Variants in RBFOX1 observed in about 807,000 individuals in gnomAD.
The protein encoded by RBFOX1 is RNA binding protein fox-1 homolog 1.
Under a neutral mutation model 57.7 loss-of-function variants are expected in RBFOX1, and 8 were observed. The ratio of observed to expected loss-of-function variants is 0.14; its 90% CI spans 0.08 to 0.25. The LOEUF (loss-of-function observed/expected upper bound fraction) is 0.25, where lower values mean the gene tolerates loss of function less well. Ranked by LOEUF, RBFOX1 falls within the 10% of genes least tolerant of loss-of-function variation. RBFOX1 has a pLI of 1.00. For synonymous variants in RBFOX1, 326 were observed against 222.4 expected, an observed-to-expected ratio of 1.47 and a Z score of -4.15; for missense variants, 611 against 548.5, an observed-to-expected ratio of 1.11 and a Z score of -1.14.
chr16:5,380,752 A>T (rs1234572557), intron 1 of RBFOX1, among the ~76,000 whole-genome samples: 3 of 152,200 alleles, frequency 2.0e-5, no homozygotes, highest in Non-Finnish European at 4.4e-5. Context: ...TGAGATCCAA[A>T]CTCAGGAGTC....
intron 2 of RBFOX1, among the ~76,000 whole-genome samples, chr16:6,494,109 TATAG>T (rs1324410284): frequency 6.6e-6 from 1 of 152,224 alleles, no homozygotes; most frequent in Non-Finnish European, 1.5e-5. Flanking sequence ...TGTAAGAAAA[TATAG>T]ATAGATCTCT....
intron 3 of RBFOX1, among the ~76,000 whole-genome samples, chr16:6,858,419 T>C (rs554958459): frequency 6.6e-6 from 1 of 152,278 alleles, no homozygotes; most frequent in South Asian, 2.1e-4. Flanking sequence ...TCTTTAATTG[T>C]GGACTTGAAG....
At chr16:6,088,923 C>T (rs938444725) in intron 1 of RBFOX1, among the ~76,000 whole-genome samples, 1 of 151,944 alleles carries the variant, frequency 6.6e-6, no homozygotes, top group Non-Finnish European at 1.5e-5. Context: ...AGTGAAATCC[C>T]ATCTCTACTA....
At chr16:6,244,063 T>G (rs1327102621) in intron 1 of RBFOX1, among the ~76,000 whole-genome samples, 1 of 152,200 alleles carries the variant, frequency 6.6e-6, no homozygotes, top group Non-Finnish European at 1.5e-5. Context: ...TTTAGGGAGT[T>G]GTATTTCCAT....
At chr16:5,437,810 A>T (rs1272637844) in intron 1 of RBFOX1, among the ~76,000 whole-genome samples, 1 of 152,202 alleles carries the variant, frequency 6.6e-6, no homozygotes, top group Non-Finnish European at 1.5e-5. Context: ...ATCTTCTTTA[A>T]TGAGCATGGT....
intron 5 of RBFOX1, among the ~76,000 whole-genome samples, chr16:7,536,217 G>A (rs922211206): frequency 6.6e-6 from 1 of 152,236 alleles, no homozygotes; most frequent in African/African-American, 2.4e-5. Flanking sequence ...GAAAGGTAGA[G>A]GGTGATGTGC....
intron 2 of RBFOX1, among the ~76,000 whole-genome samples, chr16:6,347,654 A>T (rs2085606185): frequency 6.6e-6 from 1 of 152,200 alleles, no homozygotes; most frequent in South Asian, 2.1e-4. Context: ...GCAAGGAGAA[A>T]CAAAATGTCC....
chr16:6,727,500 A>G (rs1299043363), intron 3 of RBFOX1, among the ~76,000 whole-genome samples: 1 of 151,990 alleles, frequency 6.6e-6, no homozygotes, highest in Admixed American at 6.6e-5. Context: ...GATTATACGC[A>G]AATTGTACAC....
chr16:7,434,220 C>G (rs11648362), intron 4 of RBFOX1, among the ~76,000 whole-genome samples: 2 of 151,890 alleles, frequency 1.3e-5, no homozygotes, highest in East Asian at 1.9e-4. Flanking sequence ...GGCTATAATC[C>G]CCGCATTTTG....
intron 3 of RBFOX1, among the ~76,000 whole-genome samples, chr16:5,635,713 A>G (rs2048662163): frequency 6.6e-6 from 1 of 152,196 alleles, no homozygotes; most frequent in African/African-American, 2.4e-5. Context: ...TCCTGGGTGC[A>G]CCAGTAGACT....
At chr16:6,506,572 C>A (rs574904956) in intron 2 of RBFOX1, among the ~76,000 whole-genome samples, 1 of 150,018 alleles carries the variant, frequency 6.7e-6, no homozygotes, top group South Asian at 2.1e-4. Context: ...TCTAGACTCA[C>A]CTTTGATGTT....
At chr16:6,893,241 G>A (rs1350243276) in intron 3 of RBFOX1, among the ~76,000 whole-genome samples, 1 of 152,124 alleles carries the variant, frequency 6.6e-6, no homozygotes, top group Non-Finnish European at 1.5e-5. Context: ...AGGGAACACA[G>A]CTTCTCCCAG....
upstream of RBFOX1, among the ~76,000 whole-genome samples, chr16:6,014,983 G>A (rs971442337): frequency 6.6e-6 from 1 of 151,774 alleles, no homozygotes; most frequent in African/African-American, 2.4e-5. Context: ...AGCCTCCCAA[G>A]TAGCTGAGAC....
At chr16:7,166,946 A>AAGCCC (rs902501441) in intron 4 of RBFOX1, among the ~76,000 whole-genome samples, 5 of 138,366 alleles carry the variant, frequency 3.6e-5, no homozygotes, top group African/African-American at 1.4e-4. Flanking sequence ...ATCAGAGAGA[A>AAGCCC]AGCCCCAGAT....
intron 1 of RBFOX1, among the ~76,000 whole-genome samples, chr16:6,090,633 A>G (rs917016401): frequency 6.6e-6 from 1 of 152,216 alleles, no homozygotes; most frequent in Non-Finnish European, 1.5e-5. Context: ...TTACGTTACC[A>G]TATTGATCTT....
chr16:7,699,783 T>G (rs761976108), intron 14 of RBFOX1, among the ~76,000 whole-genome samples: 9 of 152,168 alleles, frequency 5.9e-5, no homozygotes, highest in Non-Finnish European at 1.2e-4. Context: ...AAATGACATA[T>G]GTCTTGCATG....
intron 12 of RBFOX1, among the ~76,000 whole-genome samples, chr16:7,656,636 C>T (rs1447352262): frequency 6.6e-6 from 1 of 152,190 alleles, no homozygotes; most frequent in Non-Finnish European, 1.5e-5. Flanking sequence ...TAAGATTTGA[C>T]TGACGTCTTT....
At chr16:5,900,928 T>G (rs1252213801) in intron 4 of RBFOX1, among the ~76,000 whole-genome samples, 3 of 152,190 alleles carry the variant, frequency 2.0e-5, no homozygotes, top group Non-Finnish European at 2.9e-5. Flanking sequence ...AATCTTTCCC[T>G]TGGGAGAGAC....
chr16:7,318,691 C>T (rs956467204), intron 4 of RBFOX1, among the ~76,000 whole-genome samples: 20 of 152,020 alleles, frequency 1.3e-4, no homozygotes, highest in African/African-American at 4.8e-4. Context: ...CAAAAAGGTA[C>T]CTAGTGGCTT....
Sources: gnomAD v4.1 joint callset for allele counts (sites outside exome capture counted in the v4.1 genomes callset) on GRCh38, gnomAD v4.1.1 for gene constraint, MANE v1.5 for transcripts, NCBI Gene and HGNC (gene_info 2026-07-23, HGNC 2026-07-21) for gene names.